TRPM5: variants seen among roughly 807,000 people sequenced by gnomAD.
The protein encoded by TRPM5 is MLSN1 and TRP-related.
TRPM5 carries 121 observed loss-of-function variants against 124.9 expected under a neutral mutation model. That is an observed-to-expected ratio of 0.97 (90% CI 0.84 to 1.13). TRPM5 has a LOEUF of 1.13. Among genes scored for constraint, TRPM5 ranks in the 50% most tolerant of loss-of-function variants. The pLI, the probability that TRPM5 is intolerant of heterozygous loss-of-function variation, is 0.00. For synonymous variants in TRPM5, 781 were observed against 700.5 expected, an observed-to-expected ratio of 1.11 and a Z score of -1.81; for missense variants, 1,643 against 1,589.1, an observed-to-expected ratio of 1.03 and a Z score of -0.58.
At chr11:2,423,100 C>T, upstream of TRPM5, 1 of 1,360,480 alleles carries the variant, frequency 7.4e-7, no homozygotes, top group East Asian at 2.3e-5. Flanking sequence ...ATCCCCACCT[C>T]CCTCCCCTCA....
At chr11:2,440,564 C>T in the TRPM5 span, among the ~76,000 whole-genome samples, 1 of 152,170 alleles carries the variant, frequency 6.6e-6, no homozygotes, top group Non-Finnish European at 1.5e-5. The surrounding 1 kb of genome is among the most constrained non-coding windows in gnomAD (Gnocchi z 5.2). Context: ...TGCTGAAGGG[C>T]CTGCTCCAGG....
At chr11:2,440,657 T>G in the TRPM5 span, among the ~76,000 whole-genome samples, 8 of 152,196 alleles carry the variant, frequency 5.3e-5, no homozygotes, top group Non-Finnish European at 1.0e-4. The surrounding 1 kb of genome is among the most constrained non-coding windows in gnomAD (Gnocchi z 5.2). Context: ...TCGTTTTTTT[T>G]GTCCCACCAC....
exon 24 of TRPM5, chr11:2,404,703 T>G: frequency 7.5e-6 from 4 of 532,720 alleles, no homozygotes; most frequent in Non-Finnish European, 1.3e-5. Flanking sequence ...CCCGGGGAGT[T>G]GTGCCTGTCA....
chr11:2,440,144 C>T, the TRPM5 span, among the ~76,000 whole-genome samples: 2 of 139,144 alleles, frequency 1.4e-5, no homozygotes, highest in Non-Finnish European at 3.0e-5. This position sits in a 1 kb window ranked among gnomAD's most constrained non-coding sequence, Gnocchi z 5.2. Flanking sequence ...GATGGGTGCT[C>T]ATAGACATAG....
At chr11:2,406,828 G>A in intron 20 of TRPM5, 35 bp from the exon 26 acceptor site, 1 of 1,593,538 alleles carries the variant, frequency 6.3e-7, no homozygotes, top group Admixed American at 1.7e-5. Flanking sequence ...CATTACTAGA[G>A]CATGTGGGCG....
Position 2,422,901 on chromosome 11 carries a change from G to A in TRPM5, c.117+19C>T, listed in dbSNP as rs1016280766. On this transcript the variant is annotated intron_variant, in intron 1 of 23. Transcript: ENST00000155858. ...CAGGTCAAGGCGGACATCACCTGAGGCCTGGGGCCTGCCCTTACCTTGCCT... is the reference window on the plus strand; with the variant it reads ...CAGGTCAAGGCGGACATCACCTGAGACCTGGGGCCTGCCCTTACCTTGCCT... 1 of 1,602,420 alleles carries A rather than the reference G, an allele frequency of 6.2e-7. No individual in the cohort carries two copies. The highest frequency in any genetic ancestry group is 8.5e-7 in the Non-Finnish European group (1 of 1,170,006).
chr11:2,436,276 T>C, the TRPM5 span, among the ~76,000 whole-genome samples: 1 of 152,196 alleles, frequency 6.6e-6, no homozygotes, highest in Non-Finnish European at 1.5e-5. Flanking sequence ...AGCTCTGGGC[T>C]CCAGCCCGTG....
the TRPM5 span, among the ~76,000 whole-genome samples, chr11:2,434,601 A>ATG: frequency 0.23 from 26,087 of 113,534 alleles, 2,901 homozygotes; most frequent in African/African-American, 0.37. Flanking sequence ...GTGAAAGTGT[A>ATG]TGTGTGTGTG....
the TRPM5 span, among the ~76,000 whole-genome samples, chr11:2,433,861 CAGGTGTGCCTGT>C: frequency 6.6e-6 from 1 of 151,152 alleles, no homozygotes; most frequent in Non-Finnish European, 1.5e-5. Flanking sequence ...GTGCGGACAG[CAGGTGTGCCTGT>C]GGGTGTGTCT....
chr11:2,435,430 C>A, the TRPM5 span, among the ~76,000 whole-genome samples: 1 of 152,088 alleles, frequency 6.6e-6, no homozygotes, highest in Non-Finnish European at 1.5e-5. This position sits in a 1 kb window ranked among gnomAD's most constrained non-coding sequence, Gnocchi z 4.1. Context: ...CACCACCCAC[C>A]CAGCCATCCA....
intron 18 of TRPM5, among the ~76,000 whole-genome samples, chr11:2,409,241 C>T (rs919642103): frequency 2.0e-5 from 3 of 152,198 alleles, no homozygotes; most frequent in Non-Finnish European, 4.4e-5. Flanking sequence ...TCCGCCCTGG[C>T]CACCTCCAGC....
intron 22 of TRPM5, 39 bp downstream of exon 27, chr11:2,405,980 C>T (rs763587136): frequency 6.1e-5 from 96 of 1,579,632 alleles, no homozygotes; most frequent in Non-Finnish European, 8.1e-5. Flanking sequence ...CGCAGCCACC[C>T]GCCTCCCATC....
At chr11:2,404,281 G>A (rs1045347286), downstream of TRPM5, among the ~76,000 whole-genome samples, 1 of 152,198 alleles carries the variant, frequency 6.6e-6, no homozygotes, top group African/African-American at 2.4e-5. Context: ...AGTTTTATCT[G>A]GGCCACGTGG....
rs759723253 is a variant in TRPM5, at chr11:2,423,015, G to C, written c.22C>G (p.Arg8Gly). The change falls in exon 1 of 24, where the codon CGT (arginine) becomes GGT (glycine). Residue 8 changes from arginine (R) to glycine (G), a missense_variant. Coordinates refer to ENST00000155858, the Ensembl canonical transcript of TRPM5. ...TCAGCATCCCCGGGGCTTCCGGGAC[G>C]GGGGCCTTGGACATCCTGCATGGTG... 2.5e-6 allele frequency: 4 copies of C among 1,612,074 alleles called. No individual in the cohort carries two copies. The South Asian group carries it at 4.4e-5, about 18-fold the overall frequency.
the TRPM5 span, among the ~76,000 whole-genome samples, chr11:2,436,928 C>A: frequency 1.3e-5 from 2 of 152,206 alleles, no homozygotes; most frequent in Admixed American, 1.3e-4. Flanking sequence ...GGGCACTGGG[C>A]CGAGACCCTG....
At chr11:2,407,368 C>A (rs908917087) in intron 19 of TRPM5, 68 bp from the exon 25 acceptor site, 1 of 1,439,272 alleles carries the variant, frequency 6.9e-7, no homozygotes, top group South Asian at 1.3e-5. Flanking sequence ...CATCCCCCTG[C>A]ACCCTGATTG....
intron 18 of TRPM5, chr11:2,410,601 C>T: frequency 1.1e-5 from 5 of 437,470 alleles, no homozygotes; most frequent in South Asian, 8.1e-5. Context: ...CTGCCCCACC[C>T]CAGAGCTCCC....
Position 2,422,819 on chromosome 11 carries a change from G to A in TRPM5, c.117+101C>T, listed in dbSNP as rs1051878089. 4 of 1,010,436 alleles carry A rather than the reference G, an allele frequency of 4.0e-6. No homozygotes were observed. In the African/African-American group the frequency reaches 4.7e-5, roughly 12 times the overall value. The allele number at this position is 1,010,436 out of a possible 1,614,324, so 62.6% of individuals were successfully genotyped here. ...TGGCCCCAGGGGAGCAGACCCCAGG[G>A]GTGAGGAGGACCCTGGCACTCAGCT... On this transcript the variant is annotated intron_variant, in intron 1 of 23. Coordinates refer to ENST00000155858, the Ensembl canonical transcript of TRPM5.
At chr11:2,432,187 C>T in the TRPM5 span, among the ~76,000 whole-genome samples, 1 of 152,244 alleles carries the variant, frequency 6.6e-6, no homozygotes, top group South Asian at 2.1e-4. Flanking sequence ...CAGGCGCTCA[C>T]CTGCGTCCAT....
Sources: gnomAD v4.1 joint callset for allele counts (sites outside exome capture counted in the v4.1 genomes callset) on GRCh38, gnomAD v4.1.1 for gene constraint, Gnocchi (gnomAD v3.1) non-coding constraint, MANE v1.5 for transcripts, NCBI Gene and HGNC (gene_info 2026-07-23, HGNC 2026-07-21) for gene names.